Variants in CCDC192 observed in about 807,000 individuals in gnomAD.
CCDC192 encodes coiled-coil domain-containing protein 192.
intron 3 of CCDC192, among the ~76,000 whole-genome samples, chr5:127,766,026 T>C (rs1755205201): frequency 6.6e-6 from 1 of 152,242 alleles, no homozygotes; most frequent in South Asian, 2.1e-4. Context: ...TTTCACAATA[T>C]GCCCTATGTT....
intron 5 of CCDC192, among the ~76,000 whole-genome samples, chr5:127,804,482 C>T (rs1369606027): frequency 6.6e-6 from 1 of 152,174 alleles, no homozygotes; most frequent in Non-Finnish European, 1.5e-5. Context: ...ACCCAGGCAT[C>T]ATGGTGAAGT....
intron 2 of CCDC192, among the ~76,000 whole-genome samples, chr5:127,710,036 G>T (rs545094172): frequency 6.4e-4 from 98 of 152,310 alleles, no homozygotes; most frequent in Non-Finnish European, 1.1e-3. Flanking sequence ...GCTTCAATTA[G>T]CTTCCTGGAG....
chr5:127,856,729 G>C (rs1275513143), intron 5 of CCDC192, among the ~76,000 whole-genome samples: 2 of 152,210 alleles, frequency 1.3e-5, no homozygotes, highest in Non-Finnish European at 2.9e-5. Context: ...TCAGGGAATA[G>C]GGAAATCCAA....
chr5:127,702,807 A>G (rs1454619507), upstream of CCDC192, among the ~76,000 whole-genome samples: 1 of 152,250 alleles, frequency 6.6e-6, no homozygotes, highest in Non-Finnish European at 1.5e-5. Flanking sequence ...GAGATACAGC[A>G]ACTGGCTGGG....
At chr5:127,754,246 C>G (rs1754428166) in intron 2 of CCDC192, 22 bp from the exon 3 acceptor site, 1 of 396,982 alleles carries the variant, frequency 2.5e-6, no homozygotes, top group Admixed American at 4.4e-5. Context: ...AAAAGTAATA[C>G]TTGATTTTTT....
chr5:127,855,710 A>T (rs995604252), intron 5 of CCDC192, among the ~76,000 whole-genome samples: 2 of 152,232 alleles, frequency 1.3e-5, no homozygotes, highest in African/African-American at 4.8e-5. Flanking sequence ...TGATCCATGT[A>T]CTGAAGAATG....
chr5:127,762,674 TGACCGGTGCTAATAAATGTGA>T (rs1754996882), intron 3 of CCDC192, among the ~76,000 whole-genome samples: 1 of 152,210 alleles, frequency 6.6e-6, no homozygotes. Flanking sequence ...TTTAAATAGC[TGACCGGTGCTAATAAATGTGA>T]CTTTCTTGTC....
intron 2 of CCDC192, among the ~76,000 whole-genome samples, chr5:127,740,455 C>G (rs977957390): frequency 6.6e-6 from 1 of 152,082 alleles, no homozygotes; most frequent in African/African-American, 2.4e-5. Context: ...AGAATGGAGT[C>G]TGTGCAAATG....
chr5:127,742,264 C>T (rs1286481903), intron 2 of CCDC192, among the ~76,000 whole-genome samples: 2 of 152,164 alleles, frequency 1.3e-5, no homozygotes, highest in African/African-American at 2.4e-5. Flanking sequence ...ATGGGCATTT[C>T]TCTTTAACTT....
chr5:127,914,990 A>G (rs567690738), intron 6 of CCDC192, among the ~76,000 whole-genome samples: 85 of 152,330 alleles, frequency 5.6e-4, no homozygotes, highest in Non-Finnish European at 8.8e-4. Context: ...TGTGTCATTC[A>G]AATTACATTA....
intron 3 of CCDC192, chr5:127,785,387 A>T: frequency 2.4e-6 from 1 of 420,316 alleles, no homozygotes; most frequent in Non-Finnish European, 4.7e-6. Context: ...TGAATTGCTC[A>T]TTCAGATCTT....
At chr5:127,936,423 A>G (rs990286575) in intron 6 of CCDC192, among the ~76,000 whole-genome samples, 2 of 152,208 alleles carry the variant, frequency 1.3e-5, no homozygotes, top group East Asian at 3.9e-4. Flanking sequence ...AAAAGTGAGT[A>G]CAGCCTGGGT....
intron 5 of CCDC192, among the ~76,000 whole-genome samples, chr5:127,840,990 C>T (rs1321292168): frequency 6.6e-6 from 1 of 152,164 alleles, no homozygotes. Context: ...AGAACCCTGA[C>T]CTTTGAGCCT....
chr5:127,743,066 T>A (rs1407019140), intron 2 of CCDC192, among the ~76,000 whole-genome samples: 1 of 152,106 alleles, frequency 6.6e-6, no homozygotes, highest in Non-Finnish European at 1.5e-5. Flanking sequence ...GCCCTCTGGC[T>A]TGATGAGTTC....
intron 5 of CCDC192, among the ~76,000 whole-genome samples, chr5:127,873,240 A>G (rs192205801): frequency 2.8e-3 from 421 of 152,328 alleles, no homozygotes; most frequent in African/African-American, 9.5e-3. Context: ...GGAAAAATAC[A>G]TATCTGCATA....
At chr5:127,878,687 G>C (rs1033926224) in intron 6 of CCDC192, among the ~76,000 whole-genome samples, 1 of 152,012 alleles carries the variant, frequency 6.6e-6, no homozygotes, top group South Asian at 2.1e-4. Flanking sequence ...TTGGCGATGC[G>C]GGCTCTTTTT....
chr5:127,940,978 TGTTTTGTTTCTTTTTTC>T (rs1754384173), intron 6 of CCDC192, 187 bp from the exon 7 acceptor site: 4 of 381,946 alleles, frequency 1.0e-5, no homozygotes, highest in Non-Finnish European at 4.6e-6. Context: ...TCCCAAGTTT[TGTTTTGTTTCTTTTTTC>T]ATGAGCACCC....
At chr5:127,851,382 A>G (rs999755110) in intron 5 of CCDC192, among the ~76,000 whole-genome samples, 1 of 152,170 alleles carries the variant, frequency 6.6e-6, no homozygotes, top group African/African-American at 2.4e-5. Flanking sequence ...TTGGAATATC[A>G]ACTATTTATG....
intron 6 of CCDC192, among the ~76,000 whole-genome samples, chr5:127,886,984 G>A (rs1257600559): frequency 6.6e-6 from 1 of 152,002 alleles, no homozygotes; most frequent in Non-Finnish European, 1.5e-5. Context: ...CAGATCAAGG[G>A]GATAAAACTT....
Sources: allele counts gnomAD v4.1 joint callset (sites outside exome capture counted in the v4.1 genomes callset), GRCh38; gene constraint gnomAD v4.1.1; transcripts MANE v1.5; gene names NCBI Gene and HGNC (gene_info 2026-07-23, HGNC 2026-07-21).